NIPBL: variants seen among roughly 807,000 people sequenced by gnomAD.
The protein encoded by NIPBL is NIPBL cohesin loading factor.
A neutral mutation model predicts 321.8 loss-of-function variants in NIPBL; 19 were observed. That is an observed-to-expected ratio of 0.06 (90% confidence interval 0.04 to 0.09). The LOEUF (loss-of-function observed/expected upper bound fraction) is 0.09, where lower values mean the gene tolerates loss of function less well. Ranked by LOEUF, NIPBL falls within the 10% of genes least tolerant of loss-of-function variation. The probability of loss-of-function intolerance (pLI) is 1.00; values close to 1 mark genes in which losing one functional copy is unlikely to be tolerated. For synonymous variants in NIPBL, 1,106 were observed against 1,114.1 expected (o/e 0.99, Z 0.14); for missense variants, 2,210 against 3,327.0 (o/e 0.66, Z 8.26).
intron 45 of NIPBL, among the ~76,000 whole-genome samples, chr5:37,061,504 C>G (rs1754669977): frequency 6.6e-6 from 1 of 152,054 alleles, no homozygotes; most frequent in South Asian, 2.1e-4. Context: ...ATGGCAAATC[C>G]CCGTATCTAT....
chr5:37,063,794 A>C lies in NIPBL; in HGVS notation c.7865A>C (p.Lys2622Thr), dbSNP rs746720769. 1 of 1,613,036 alleles carries C rather than the reference A, an allele frequency of 6.2e-7. No homozygotes were observed. The highest frequency in any genetic ancestry group is 2.2e-5 in the East Asian group (1 of 44,876). The change falls in exon 46 of 47, where the codon AAA (lysine) becomes ACA (threonine). Residue 2622 changes from lysine (K) to threonine (T), a missense_variant. Lys to Thr is a moderately conservative substitution (Grantham distance 78). This residue lies in a region of NIPBL where 159 missense variants were observed against 319.2 expected (regional missense o/e 0.50). Transcript: ENST00000282516. ...RSIVKQYLDF[K>T]LLMEHLDPDE... Reference sequence around the variant, plus strand: ...AATAATATCTGTTTTTTGTAGTTCAAACTTCTCATGGAACATCTGGACCCT... The same window carrying C: ...AATAATATCTGTTTTTTGTAGTTCACACTTCTCATGGAACATCTGGACCCT...
At chr5:36,890,882 A>G (rs143603341) in intron 1 of NIPBL, among the ~76,000 whole-genome samples, 1 of 152,334 alleles carries the variant, frequency 6.6e-6, no homozygotes, top group African/African-American at 2.4e-5. Flanking sequence ...GAACATGGTC[A>G]TGATCTCATA....
At chr5:37,015,524 GT>G (rs1748852915) in intron 22 of NIPBL, among the ~76,000 whole-genome samples, 1 of 152,058 alleles carries the variant, frequency 6.6e-6, no homozygotes, top group Non-Finnish European at 1.5e-5. Flanking sequence ...TACAAGGTCA[GT>G]TCGAGACCAG....
At chr5:36,902,140 T>C (rs1293560283) in intron 1 of NIPBL, among the ~76,000 whole-genome samples, 1 of 152,126 alleles carries the variant, frequency 6.6e-6, no homozygotes, top group African/African-American at 2.4e-5. Flanking sequence ...TTAGATTCCT[T>C]ACAGATTCTG....
chr5:37,002,178 A>AG (rs1746886946), intron 14 of NIPBL, among the ~76,000 whole-genome samples: 1 of 152,196 alleles, frequency 6.6e-6, no homozygotes. Flanking sequence ...CAGGAAAAAA[A>AG]GTTGTAGAGT....
At chr5:37,003,008 G>T (rs1248144969) in intron 15 of NIPBL, among the ~76,000 whole-genome samples, 1 of 150,634 alleles carries the variant, frequency 6.6e-6, no homozygotes, top group South Asian at 2.1e-4. Flanking sequence ...ATTTTTTCCA[G>T]AGTTTTTTTT....
chr5:36,895,126 A>C (rs1398008488), intron 1 of NIPBL, among the ~76,000 whole-genome samples: 4 of 152,202 alleles, frequency 2.6e-5, no homozygotes, highest in Non-Finnish European at 5.9e-5. Flanking sequence ...CCCCCCAAAA[A>C]ACCACGTTTC....
chr5:36,987,777 A>G (rs1266533550), intron 10 of NIPBL, among the ~76,000 whole-genome samples: 2 of 152,214 alleles, frequency 1.3e-5, no homozygotes, highest in Non-Finnish European at 2.9e-5. Context: ...CAGTTAAGAC[A>G]TCAGCCTTAA....
intron 6 of NIPBL, among the ~76,000 whole-genome samples, chr5:36,965,434 A>G (rs1282637292): frequency 1.3e-5 from 2 of 152,132 alleles, no homozygotes; most frequent in Non-Finnish European, 2.9e-5. Flanking sequence ...GACAAATATT[A>G]TATGTTCTCA....
chr5:36,908,816 A>G (rs905902902), intron 1 of NIPBL, among the ~76,000 whole-genome samples: 1 of 152,248 alleles, frequency 6.6e-6, no homozygotes, highest in Non-Finnish European at 1.5e-5. Flanking sequence ...TTTCAGAAGT[A>G]ATCGGTCAGG....
intron 1 of NIPBL, among the ~76,000 whole-genome samples, chr5:36,940,312 T>G (rs934389142): frequency 3.9e-5 from 6 of 152,202 alleles, no homozygotes; most frequent in Non-Finnish European, 8.8e-5. Context: ...AAATAACCAG[T>G]AGATTATTTT....
At chr5:36,949,269 A>G (rs1740016422) in intron 1 of NIPBL, among the ~76,000 whole-genome samples, 1 of 151,866 alleles carries the variant, frequency 6.6e-6, no homozygotes, top group Admixed American at 6.6e-5. Flanking sequence ...TTGGCTATAT[A>G]TTTTGAGTAC....
chr5:36,974,581 A>AAC (rs1743231960), intron 8 of NIPBL, among the ~76,000 whole-genome samples: 1 of 152,166 alleles, frequency 6.6e-6, no homozygotes. Context: ...ATGTTGTAAA[A>AAC]ATCAAGTGAA....
chr5:36,879,320 T>G (rs72734612), intron 1 of NIPBL, among the ~76,000 whole-genome samples: 1 of 152,198 alleles, frequency 6.6e-6, no homozygotes, highest in African/African-American at 2.4e-5. Flanking sequence ...GGAATTGTTA[T>G]AGTGAATTAG....
intron 22 of NIPBL, among the ~76,000 whole-genome samples, chr5:37,015,799 A>C (rs981658734): frequency 2.6e-5 from 4 of 152,174 alleles, no homozygotes; most frequent in African/African-American, 9.7e-5. Context: ...AATGTGTTTC[A>C]CTTGCGAGAA....
intron 9 of NIPBL, among the ~76,000 whole-genome samples, chr5:36,978,051 G>A (rs189838448): frequency 2.0e-3 from 302 of 152,130 alleles, no homozygotes; most frequent in Non-Finnish European, 3.0e-3. Flanking sequence ...ATTGTAAATA[G>A]TGCTGTGATA....
intron 7 of NIPBL, 107 bp downstream of exon 7, chr5:36,971,143 C>G: frequency 1.1e-6 from 1 of 890,826 alleles, no homozygotes; most frequent in Non-Finnish European, 1.8e-6. Context: ...TATCATTATA[C>G]TGGGTACTGA....
intron 16 of NIPBL, among the ~76,000 whole-genome samples, chr5:37,003,914 A>G (rs1422664826): frequency 6.6e-6 from 1 of 152,210 alleles, no homozygotes; most frequent in Admixed American, 6.5e-5. Context: ...TCCTTATGTA[A>G]GTATATGAAT....
rs900463266 is a variant in NIPBL, at chr5:36,991,952, G to T, written c.3122-3670G>T. On this transcript the variant is annotated intron_variant, in intron 10 of 46. Transcript: ENST00000282516. ...ACACATTGTTAGTTATCAAATCAAT[G>T]ATTCTTTTAAGTTTTTTGATGATTT... Among the ~76,000 whole-genome samples, 3 of 152,110 alleles carry T rather than the reference G, an allele frequency of 2.0e-5. No individual in the cohort carries two copies. In the East Asian group the frequency reaches 5.8e-4, roughly 29 times the overall value.
Sources: allele counts gnomAD v4.1 joint callset (sites outside exome capture counted in the v4.1 genomes callset), GRCh38; gene constraint gnomAD v4.1.1; regional missense constraint gnomAD v4.1.1; transcripts MANE v1.5; gene names NCBI Gene and HGNC (gene_info 2026-07-23, HGNC 2026-07-21).